The following GSE1 variants were observed in gnomAD, a reference collection of about 807,000 sequenced individuals.
The protein encoded by GSE1 is genetic suppressor element 1.
GSE1 carries 32 observed loss-of-function variants against 112.6 expected under a neutral mutation model. The observed-to-expected ratio is 0.28, with a 90% CI of 0.21 to 0.38. The LOEUF (loss-of-function observed/expected upper bound fraction) is 0.38, where lower values mean the gene tolerates loss of function less well. GSE1 is among the 10% of genes least tolerant of loss of function. The pLI, the probability that GSE1 is intolerant of heterozygous loss-of-function variation, is 1.00. For missense variants in GSE1, 2,348 were observed against 1,699.2 expected (o/e 1.38, Z -6.71); for synonymous variants, 1,115 against 735.6 (o/e 1.52, Z -8.35).
chr16:85,349,812 G>T (rs2046817478), intron 1 of GSE1, among the ~76,000 whole-genome samples: 1 of 152,142 alleles, frequency 6.6e-6, no homozygotes, highest in African/African-American at 2.4e-5. Context: ...ATCAGCCTCA[G>T]CCCATCAGCA....
intron 1 of GSE1, among the ~76,000 whole-genome samples, chr16:85,613,936 T>A (rs2048183264): frequency 6.9e-6 from 1 of 144,850 alleles, no homozygotes. Context: ...CCCCGACCCC[T>A]TGTCTCGGGG....
At chr16:85,612,834 G>A (rs901458284), upstream of GSE1, among the ~76,000 whole-genome samples, 4 of 152,232 alleles carry the variant, frequency 2.6e-5, no homozygotes, top group Non-Finnish European at 5.9e-5. Flanking sequence ...TATTGGGCCT[G>A]CTCTGTGTCA....
At chr16:85,668,096 T>A (rs2053026216) in intron 13 of GSE1, 44 bp from the exon 14 acceptor site, 1 of 1,474,710 alleles carries the variant, frequency 6.8e-7, no homozygotes, top group Non-Finnish European at 9.2e-7. Context: ...GCACCCTGTG[T>A]CCCTTCCCCC....
chr16:85,248,729 G>T (rs1243226663), intron 1 of GSE1, among the ~76,000 whole-genome samples: 3 of 152,202 alleles, frequency 2.0e-5, no homozygotes, highest in African/African-American at 7.2e-5. Flanking sequence ...GTGCTGGCTG[G>T]AGCCATCTCC....
intron 1 of GSE1, among the ~76,000 whole-genome samples, chr16:85,566,072 G>C (rs2045734742): frequency 6.6e-6 from 1 of 152,196 alleles, no homozygotes; most frequent in Admixed American, 6.5e-5. Context: ...TGCCTCCTGG[G>C]GCTGCTGACA....
chr16:85,378,648 G>T (rs1192222321), intron 2 of GSE1, among the ~76,000 whole-genome samples: 1 of 152,226 alleles, frequency 6.6e-6, no homozygotes, highest in Non-Finnish European at 1.5e-5. Context: ...GGCAGGCACA[G>T]TTGCTGACCC....
intron 1 of GSE1, among the ~76,000 whole-genome samples, chr16:85,557,754 G>A (rs2045307885): frequency 6.6e-6 from 1 of 150,422 alleles, no homozygotes; most frequent in South Asian, 2.1e-4. Context: ...GCAGGGCAGA[G>A]GGTCACCAGA....
chr16:85,669,597 T>G (rs1382796565), intron 14 of GSE1, among the ~76,000 whole-genome samples: 1 of 152,202 alleles, frequency 6.6e-6, no homozygotes, highest in Non-Finnish European at 1.5e-5. Context: ...CCAGAAGCAA[T>G]ACACAGTGAT....
At chr16:85,547,935 G>C (rs2044757991) in intron 2 of GSE1, among the ~76,000 whole-genome samples, 1 of 145,284 alleles carries the variant, frequency 6.9e-6, no homozygotes, top group Non-Finnish European at 1.5e-5. Context: ...CTTTATTCTA[G>C]AAATATTTGA....
intron 1 of GSE1, among the ~76,000 whole-genome samples, chr16:85,260,409 A>G (rs1597217481): frequency 1.6e-5 from 2 of 124,724 alleles, no homozygotes; most frequent in African/African-American, 3.2e-5. Context: ...CTGCAATTCT[A>G]CCTCCTGGGT....
At chr16:85,188,739 T>A (rs991983738) in intron 1 of GSE1, among the ~76,000 whole-genome samples, 5 of 151,748 alleles carry the variant, frequency 3.3e-5, no homozygotes, top group African/African-American at 1.2e-4. Context: ...AGTTCAAGGC[T>A]GCAGTGAGCT....
At chr16:85,517,347 C>G (rs187787407) in intron 2 of GSE1, among the ~76,000 whole-genome samples, 2 of 152,324 alleles carry the variant, frequency 1.3e-5, no homozygotes, top group African/African-American at 4.8e-5. Context: ...CGTGCCACAG[C>G]TTTCTCATCT....
chr16:85,506,670 C>T (rs1031431202), intron 2 of GSE1, among the ~76,000 whole-genome samples: 1 of 152,040 alleles, frequency 6.6e-6, no homozygotes, highest in Non-Finnish European at 1.5e-5. Context: ...GCATTTCAAC[C>T]TGGGGAGGTG....
chr16:85,354,946 G>C (rs1416074265), intron 1 of GSE1, among the ~76,000 whole-genome samples: 2 of 152,232 alleles, frequency 1.3e-5, no homozygotes, highest in Non-Finnish European at 2.9e-5. Context: ...GGCTTACCCT[G>C]GGCCCTGAGT....
At chr16:85,281,550 G>A (rs2044858889) in intron 1 of GSE1, among the ~76,000 whole-genome samples, 1 of 152,148 alleles carries the variant, frequency 6.6e-6, no homozygotes, top group African/African-American at 2.4e-5. Context: ...ATTAGTTGGG[G>A]CTAAGAGGCC....
rs1258025569 is a variant in GSE1 at position 85,675,656 on chromosome 16, T to C, written c.*3117T>C. The C allele has an allele frequency of 2.0e-5, 3 of 152,154 alleles. No homozygotes were observed. The highest frequency in any genetic ancestry group is 2.9e-5 in the Non-Finnish European group (2 of 68,030). The allele number at this position is 152,154 out of a possible 1,614,324, so 9.4% of individuals were successfully genotyped here. ...TCAAGTAGCTCATAATACTGCCAAA[T>C]CTCAAAAGTTAAGCTGAATTTCACA... On this transcript the variant is annotated 3_prime_UTR_variant, in exon 16 of 16. Transcript: ENST00000253458.
intron 2 of GSE1, among the ~76,000 whole-genome samples, chr16:85,407,913 C>A (rs1248410296): frequency 8.1e-5 from 4 of 49,134 alleles, no homozygotes; most frequent in Admixed American, 1.7e-4. Flanking sequence ...CCTGGATAAT[C>A]CTCACCGTTA....
chr16:85,517,235 T>C (rs1407536771), intron 2 of GSE1, among the ~76,000 whole-genome samples: 2 of 152,044 alleles, frequency 1.3e-5, no homozygotes, highest in African/African-American at 2.4e-5. Flanking sequence ...TCCCTCCTGG[T>C]GTCTCTGTGG....
chr16:85,589,878 TTGTG>T (rs774298465), intron 1 of GSE1, among the ~76,000 whole-genome samples: 305 of 151,332 alleles, frequency 2.0e-3, no homozygotes, highest in Middle Eastern at 6.8e-3. Flanking sequence ...GACAGAGACA[TTGTG>T]TGTGAAGGAA....
Sources: gnomAD v4.1 joint callset for allele counts (sites outside exome capture counted in the v4.1 genomes callset) on GRCh38, gnomAD v4.1.1 for gene constraint, MANE v1.5 for transcripts, NCBI Gene and HGNC (gene_info 2026-07-23, HGNC 2026-07-21) for gene names.